The following SHF variants were observed in gnomAD, a reference collection of about 807,000 sequenced individuals.
SHF encodes SH2 domain-containing adapter protein F.
Under a neutral mutation model 42.4 loss-of-function variants are expected in SHF, and 30 were observed. The observed-to-expected ratio is 0.71, with a 90% CI of 0.53 to 0.96. The LOEUF (loss-of-function observed/expected upper bound fraction) is 0.96. Among genes scored for constraint, SHF ranks in the 40% least tolerant of loss-of-function variants. The pLI is 0.00. For synonymous variants in SHF, 264 were observed against 269.9 expected (o/e 0.98, Z 0.21); for missense variants, 598 against 634.0 (o/e 0.94, Z 0.61).
intron 3 of SHF, chr15:45,174,162 G>A: frequency 5.2e-6 from 1 of 192,984 alleles, no homozygotes; most frequent in Non-Finnish European, 1.1e-5. Flanking sequence ...GAACTCGCAG[G>A]CAGCAAGAAA....
At chr15:45,185,671 G>A (rs947480223) in intron 1 of SHF, among the ~76,000 whole-genome samples, 6 of 152,206 alleles carry the variant, frequency 3.9e-5, no homozygotes, top group African/African-American at 9.7e-5. Context: ...ACAGCACACA[G>A]ATCACAGAGC....
Position 45,168,121 on chromosome 15 carries a change from T to G in SHF, c.1293A>C (p.Gly431=). The G allele has an allele frequency of 1.3e-6, 2 of 1,593,126 alleles. No homozygotes were observed. Among genetic ancestry groups the G allele is most frequent in the Non-Finnish European group, 1.7e-6 (2 of 1,166,632 alleles). ...DFSLSLKSSQ[G]FMHMKLSRTK... ...TTCGGGACAGCTTCATGTGCATGAATCCCTGGCTGCTCCTGGGAAGAGGAG... is the reference window on the plus strand; with the variant it reads ...TTCGGGACAGCTTCATGTGCATGAAGCCCTGGCTGCTCCTGGGAAGAGGAG... Residue 431 remains glycine (G), a synonymous_variant, in exon 7 of 7, where the codon GGA becomes GGC. Transcript: ENST00000690270.
intron 2 of SHF, chr15:45,198,663 C>CT: frequency 7.0e-7 from 1 of 1,427,662 alleles, no homozygotes; most frequent in Non-Finnish European, 9.4e-7. Context: ...GTACTAACCA[C>CT]TATACGATCA....
At chr15:45,176,753 G>A (rs1897832403) in intron 2 of SHF, among the ~76,000 whole-genome samples, 1 of 152,106 alleles carries the variant, frequency 6.6e-6, no homozygotes, top group South Asian at 2.1e-4. Context: ...TAAAAGCTAT[G>A]GAGCTACTCC....
intron 4 of SHF, 45 bp downstream of exon 4, chr15:45,173,530 AG>A: frequency 6.9e-7 from 1 of 1,447,944 alleles, no homozygotes; most frequent in Non-Finnish European, 9.1e-7. Context: ...CAGGGCCTGG[AG>A]GGGTGAGGAC....
At chr15:45,192,358 A>ATTTTT (rs1193075020), upstream of SHF, among the ~76,000 whole-genome samples, 16 of 75,546 alleles carry the variant, frequency 2.1e-4, no homozygotes, top group African/African-American at 4.4e-4. Flanking sequence ...CTGATTCCAG[A>ATTTTT]TTTTTTTTTT....
At chr15:45,190,643 T>C (rs1433546262), upstream of SHF, among the ~76,000 whole-genome samples, 1 of 152,124 alleles carries the variant, frequency 6.6e-6, no homozygotes, top group Non-Finnish European at 1.5e-5. Flanking sequence ...GAGGTAGACC[T>C]GAGCTGGGTA....
chr15:45,178,092 G>A, intron 2 of SHF, 73 bp downstream of exon 2: 4 of 1,537,710 alleles, frequency 2.6e-6, no homozygotes, highest in Non-Finnish European at 3.5e-6. Context: ...TCAGTCCTTA[G>A]ACTTGTGAGT....
chr15:45,175,195 C>T (rs1380262206), intron 3 of SHF, 24 bp downstream of exon 3: 1 of 1,593,124 alleles, frequency 6.3e-7, no homozygotes, highest in Non-Finnish European at 8.5e-7. Context: ...CCCCAGCTGA[C>T]CTGCCCTCTC....
chr15:45,192,358 A>ATTT (rs1193075020), upstream of SHF, among the ~76,000 whole-genome samples: 1,260 of 75,556 alleles, frequency 0.017, 234 homozygotes, highest in African/African-American at 0.074. Context: ...CTGATTCCAG[A>ATTT]TTTTTTTTTT....
intron 2 of SHF, among the ~76,000 whole-genome samples, chr15:45,177,387 G>A (rs1233316199): frequency 6.6e-6 from 1 of 152,142 alleles, no homozygotes; most frequent in Admixed American, 6.5e-5. Context: ...CCATTGCAGT[G>A]AACATAAGTA....
Position 45,187,939 on chromosome 15 carries a change from C to G in SHF, c.13G>C (p.Gly5Arg), listed in dbSNP as rs1053307269. ...GGGCGGGAGCCAGCCGGAGGAGCTC[C>G]GCTCAGTAACATGGGGCCAGCCAGA... is the stretch of plus-strand genomic sequence containing the variant. The part of the protein sequence containing the change: MLLS[G>R]APPAGSRPGP... The change falls in exon 1 of 7, where the codon GGA becomes CGA. Residue 5 changes from glycine to arginine, a missense_variant. Physicochemically the swap from Gly to Arg is moderately radical, Grantham distance 125. Around this residue, in one of 2 missense-constraint regions of SHF, gnomAD observed 159 missense variants for 109.3 expected, o/e 1.45. Transcript: ENST00000690270. 1.7e-6 allele frequency: 2 copies of G among 1,170,252 alleles called. No individual in the cohort carries two copies. The highest frequency in any genetic ancestry group is 2.1e-6 in the Non-Finnish European group (2 of 948,704). The allele number at this position is 1,170,252 out of a possible 1,614,324, so 72.5% of individuals were successfully genotyped here.
upstream of SHF, among the ~76,000 whole-genome samples, chr15:45,191,429 C>T (rs114254500): frequency 0.018 from 2,669 of 152,226 alleles, 88 homozygotes; most frequent in African/African-American, 0.062. Flanking sequence ...TTCAAGTGAT[C>T]CTCCCGCTTG....
Position 45,173,678 on chromosome 15 carries a change from G to T in SHF, c.886C>A (p.Pro296Thr), listed in dbSNP as rs1335524925. The change falls in exon 4 of 7, where the codon CCT (proline) becomes ACT (threonine). Residue 296 changes from proline (P) to threonine (T), a missense_variant. Pro to Thr is a conservative substitution (Grantham distance 38). Coordinates refer to ENST00000690270, the MANE Select transcript of SHF (RefSeq NM_001394037.1). ...KVIKDLPWPPPVGQLDSSPSL... is the reference protein window; with the variant it reads ...KVIKDLPWPPTVGQLDSSPSL... ...GGGCTGCTGTCCAGCTGTCCCACAG[G>T]TGGAGGCCAAGGTAGGTCTTTGATG... 6.4e-6 allele frequency: 10 copies of T among 1,551,792 alleles called. No homozygotes were observed. The highest frequency in any genetic ancestry group is 7.8e-6 in the Non-Finnish European group (9 of 1,147,010).
Position 45,172,250 on chromosome 15 carries a change from G to C in SHF, c.1057C>G (p.Arg353Gly). Residue 353 changes from arginine to glycine, a missense_variant, in exon 5 of 7, where the codon CGA becomes GGA. Around this residue, in one of 2 missense-constraint regions of SHF, gnomAD observed 439 missense variants for 524.6 expected, o/e 0.84. Transcript: ENST00000690270. The stretch of plus-strand genomic sequence containing the variant: ...GACTTGGGGTTCCCTGCAGAGAGTC[G>C]GGGAGGTAGCCGCCCCTTCTCCTCC... The part of the protein sequence containing the change: ...GREEKGRLPP[R>G]LSAGNPKSAK... 25 of 1,613,536 alleles carry C rather than the reference G, an allele frequency of 1.5e-5. No individual in the cohort carries two copies. The highest frequency in any genetic ancestry group is 2.0e-5 in the Non-Finnish European group (24 of 1,179,644).
chr15:45,179,939 G>A lies in SHF; in HGVS notation c.499-1633C>T, dbSNP rs757837313. On this transcript the variant is annotated intron_variant, in intron 1 of 6. Transcript: ENST00000690270. ...ATGAAGAAAGGAACCTCTTCACCTC[G>A]GAGACCCCTTCTGCATGTTCCTTCC... 1.7e-4 allele frequency among the ~76,000 whole-genome samples: 26 copies of A among 152,188 alleles called. 1 individual carries two copies. The highest frequency in any genetic ancestry group is 3.7e-4 in the Non-Finnish European group (25 of 67,992).
chr15:45,178,670 G>A (rs574351872), intron 1 of SHF, among the ~76,000 whole-genome samples: 1 of 152,100 alleles, frequency 6.6e-6, no homozygotes, highest in South Asian at 2.1e-4. Flanking sequence ...GAGTAGCTGG[G>A]ACTACAGGCA....
At chr15:45,198,674 C>T in intron 2 of SHF, 3 of 1,474,256 alleles carry the variant, frequency 2.0e-6, no homozygotes, top group South Asian at 1.3e-5. Context: ...TATACGATCA[C>T]GGCGAGCTAC....
At chr15:45,182,023 A>G (rs997782750) in intron 1 of SHF, among the ~76,000 whole-genome samples, 1 of 151,946 alleles carries the variant, frequency 6.6e-6, no homozygotes, top group Admixed American at 6.6e-5. Context: ...ACTCTGCTAT[A>G]TTGTGTCTGT....
Sources: gnomAD v4.1 joint callset for allele counts (sites outside exome capture counted in the v4.1 genomes callset) on GRCh38, gnomAD v4.1.1 for gene constraint, gnomAD v4.1.1 regional missense constraint, MANE v1.5 for transcripts, NCBI Gene and HGNC (gene_info 2026-07-23, HGNC 2026-07-21) for gene names.